ZBTB10: variants seen among roughly 807,000 people sequenced by gnomAD.
ZBTB10 encodes the protein zinc finger and BTB domain containing 10, also known as zinc finger and BTB domain-containing protein 10.
ZBTB10 carries 32 observed loss-of-function variants against 76.4 expected under a neutral mutation model. The observed-to-expected ratio is 0.42, with a 90% CI of 0.32 to 0.56. The LOEUF is 0.56. Among genes scored for constraint, ZBTB10 ranks in the 20% least tolerant of loss-of-function variants. ZBTB10 has a pLI of 0.14. For synonymous variants in ZBTB10, 523 were observed against 432.9 expected, an observed-to-expected ratio of 1.21 and a Z score of -2.58; for missense variants, 1,057 against 1,098.5, an observed-to-expected ratio of 0.96 and a Z score of 0.53.
At chr8:80,514,098 G>A (rs1430696687) in intron 3 of ZBTB10, 90 bp downstream of exon 3, 1 of 1,185,748 alleles carries the variant, frequency 8.4e-7, no homozygotes, top group African/African-American at 1.5e-5. Context: ...TCTTCCATAA[G>A]GGGGTTCTAT....
In ZBTB10 at chr8:80,523,897, T is replaced by A. The variant is rs550655897; in HGVS notation, c.*4369T>A. Reference sequence around the variant, plus strand: ...TGTTTGTAAAAGCTCTTTGGGAAGATCTTTTACGAAGACCAACTTTTTAAA... The same window carrying A: ...TGTTTGTAAAAGCTCTTTGGGAAGAACTTTTACGAAGACCAACTTTTTAAA... On this transcript the variant is annotated 3_prime_UTR_variant, in exon 6 of 6. Transcript: ENST00000455036. 3.2e-4 allele frequency: 48 copies of A among 152,140 alleles called. 1 individual carries two copies. Among genetic ancestry groups the A allele is most frequent in the Admixed American group, 1.7e-3 (26 of 15,270 alleles). 9.4% of individuals were successfully genotyped at this position (152,140 alleles called of 1,614,324 possible). A position where few individuals can be genotyped will look rare whatever the true frequency, so the allele number is the denominator to read the frequency against.
intron 2 of ZBTB10, among the ~76,000 whole-genome samples, chr8:80,507,435 AC>A (rs1194517745): frequency 9.9e-5 from 15 of 151,880 alleles, no homozygotes; most frequent in Admixed American, 7.2e-4. Flanking sequence ...ACACAGTGAA[AC>A]CCCGTCTCTA....
rs1268236091 is a variant in ZBTB10, at chr8:80,487,787, A to G, written c.972+5A>G. The G allele has an allele frequency of 1.0e-5, 16 of 1,570,446 alleles. No individual in the cohort carries two copies. Among genetic ancestry groups the G allele is most frequent in the South Asian group, 2.4e-5 (2 of 83,574 alleles). ...CTCCACGAAGCCAACGCCCAGGTAC[A>G]GTATATCCTGCTCCTACTTTTTTGA... On this transcript the variant is annotated splice_donor_5th_base_variant and intron_variant, in intron 1 of 5. Coordinates refer to ENST00000455036, the MANE Select transcript of ZBTB10 (RefSeq NM_001105539.3).
chr8:80,485,929 G>T, upstream of ZBTB10: 1 of 1,518,742 alleles, frequency 6.6e-7, no homozygotes, highest in Non-Finnish European at 8.8e-7. Context: ...ACACTCGCCA[G>T]CTGTTTGTCC....
intron 3 of ZBTB10, among the ~76,000 whole-genome samples, chr8:80,517,565 A>G (rs1816354512): frequency 6.6e-6 from 1 of 152,176 alleles, no homozygotes; most frequent in South Asian, 2.1e-4. Flanking sequence ...TTGCCCTAAT[A>G]TGTCTGAAAC....
At chr8:80,507,408 C>G (rs1330933970) in intron 2 of ZBTB10, among the ~76,000 whole-genome samples, 1 of 151,902 alleles carries the variant, frequency 6.6e-6, no homozygotes, top group African/African-American at 2.4e-5. Context: ...GTCAGGAGAT[C>G]GAGACCATCC....
chr8:80,489,157 A>G (rs1815560222), intron 1 of ZBTB10, among the ~76,000 whole-genome samples: 1 of 152,196 alleles, frequency 6.6e-6, no homozygotes, highest in South Asian at 2.1e-4. Flanking sequence ...TCGTAATGGA[A>G]AAAGAATGGA....
At chr8:80,510,475 A>G (rs111433663) in intron 2 of ZBTB10, among the ~76,000 whole-genome samples, 148 of 152,348 alleles carry the variant, frequency 9.7e-4, no homozygotes, top group African/African-American at 3.5e-3. Context: ...CATACAATCC[A>G]TTTTTGTTAT....
upstream of ZBTB10, chr8:80,485,881 T>C (rs1303816187): frequency 6.5e-7 from 1 of 1,535,654 alleles, no homozygotes; most frequent in Non-Finnish European, 8.7e-7. Context: ...CGGGCGCGGG[T>C]AGGTGCGTGT....
chr8:80,509,831 G>A (rs1390055930), intron 2 of ZBTB10, among the ~76,000 whole-genome samples: 7 of 151,930 alleles, frequency 4.6e-5, no homozygotes, highest in Non-Finnish European at 8.8e-5. Flanking sequence ...ACCCATGGAG[G>A]GAGTGCAGTG....
chr8:80,511,407 T>C lies in ZBTB10; in HGVS notation c.1862-2503T>C, dbSNP rs547645139. On this transcript the variant is annotated intron_variant, in intron 2 of 5. Coordinates refer to ENST00000455036, the MANE Select transcript of ZBTB10 (RefSeq NM_001105539.3). ...CTTGGCAGAATTGTAAGACATGTCC[T>C]TGAACAGACTGCATTTCAGAATAAT... Among the ~76,000 whole-genome samples, 10 of 152,346 alleles carry C rather than the reference T, an allele frequency of 6.6e-5. No homozygotes were observed. The South Asian group carries it at 2.1e-3, about 32-fold the overall frequency.
At chr8:80,498,327 C>G (rs996068654) in intron 1 of ZBTB10, among the ~76,000 whole-genome samples, 1 of 152,210 alleles carries the variant, frequency 6.6e-6, no homozygotes, top group Non-Finnish European at 1.5e-5. Context: ...TAGATCCATA[C>G]ATATGTGTAT....
chr8:80,510,261 C>T (rs1382791421), intron 2 of ZBTB10, among the ~76,000 whole-genome samples: 5 of 152,174 alleles, frequency 3.3e-5, no homozygotes, highest in Admixed American at 3.3e-4. Flanking sequence ...CTTCTGCACT[C>T]GTGTTCCCAG....
intron 1 of ZBTB10, among the ~76,000 whole-genome samples, chr8:80,493,453 C>G (rs944423988): frequency 6.6e-6 from 1 of 152,082 alleles, no homozygotes; most frequent in Non-Finnish European, 1.5e-5. Flanking sequence ...GTGTTTCAAT[C>G]TAGAGGCACC....
In ZBTB10 at chr8:80,520,137, G is replaced by GT. The variant is rs1026095432; in HGVS notation, c.*612dup. The GT allele has an allele frequency of 1.3e-5, 2 of 152,410 alleles. No individual in the cohort carries two copies. Among genetic ancestry groups the GT allele is most frequent in the African/African-American group, 4.8e-5 (2 of 41,388 alleles). The allele number at this position is 152,410 out of a possible 1,614,324, so 9.4% of individuals were successfully genotyped here. A position where few individuals can be genotyped will look rare whatever the true frequency, so the allele number is the denominator to read the frequency against. ...TTCTCGATTTTGTGCTGATGGGCAT[G>GT]TTTATAAGAACTGGAGAGGTAATTT... On this transcript the variant is annotated 3_prime_UTR_variant, in exon 6 of 6. Coordinates refer to ENST00000455036, the MANE Select transcript of ZBTB10 (RefSeq NM_001105539.3).
In ZBTB10 at chr8:80,486,978, G is replaced by T; in HGVS notation, c.168G>T (p.Gln56His). Residue 56 changes from glutamine to histidine, a missense_variant, in exon 1 of 6, where the codon CAG becomes CAT. By Grantham distance (24) the Gln-to-His change is conservative (BLOSUM62 0). This residue lies in a region of ZBTB10 where 556 missense variants were observed against 451.7 expected (regional missense o/e 1.23). Coordinates refer to ENST00000455036, the MANE Select transcript of ZBTB10 (RefSeq NM_001105539.3). ...CGCCGCCAGCGCCGCCCGCGCTTCA[G>T]CCGCCTAATGGGCGGGGGGCCGACG... ...QPPPPAPPAL[Q>H]PPNGRGADEE... 2.6e-6 allele frequency: 4 copies of T among 1,513,194 alleles called. No homozygotes were observed. Among genetic ancestry groups the T allele is most frequent in the Non-Finnish European group, 3.5e-6 (4 of 1,135,656 alleles). The allele number at this position is 1,513,194 out of a possible 1,614,324, so 93.7% of individuals were successfully genotyped here.
chr8:80,500,140 A>C lies in ZBTB10; in HGVS notation c.1619A>C (p.Gln540Pro). The change falls in exon 2 of 6, where the codon CAG (glutamine) becomes CCG (proline). Residue 540 changes from glutamine to proline, a missense_variant. Physicochemically the swap from Gln to Pro is moderately conservative, Grantham distance 76 (BLOSUM62 -1). This residue lies in a region of ZBTB10 where 306 missense variants were observed against 297.5 expected (regional missense o/e 1.03). Coordinates refer to ENST00000455036, the MANE Select transcript of ZBTB10 (RefSeq NM_001105539.3). ...NYQMNDSSWVQDGSPEMAENE... is the reference protein window; with the variant it reads ...NYQMNDSSWVPDGSPEMAENE... ...CAAATGAATGACAGTAGTTGGGTCC[A>C]GGATGGATCTCCTGAAATGGCTGAA... is the stretch of plus-strand genomic sequence containing the variant. The C allele has an allele frequency of 6.2e-7, 1 of 1,613,852 alleles. No individual in the cohort carries two copies. The highest frequency in any genetic ancestry group is 8.5e-7 in the Non-Finnish European group (1 of 1,179,794).
In ZBTB10 at chr8:80,519,534, C is replaced by T. The variant is rs781245027; in HGVS notation, c.*6C>T. ...GTATGTCTCTAGATGATTAACTGACCTACTATACTCCTCAAGGATGCTGCA... is the reference window on the plus strand; with the variant it reads ...GTATGTCTCTAGATGATTAACTGACTTACTATACTCCTCAAGGATGCTGCA... On this transcript the variant is annotated 3_prime_UTR_variant, in exon 6 of 6. Transcript: ENST00000455036. 7.5e-6 allele frequency: 12 copies of T among 1,601,492 alleles called. No homozygotes were observed. The highest frequency in any genetic ancestry group is 1.0e-5 in the Non-Finnish European group (12 of 1,173,422).
In ZBTB10 at chr8:80,526,119, A is replaced by T. The variant is rs982347789; in HGVS notation, c.*6591A>T. ...TAGAATTATTAGCCATTTGCTGCAA[A>T]GTATTTGTTTTAAAATGTCTGGCAT... On this transcript the variant is annotated 3_prime_UTR_variant, in exon 6 of 6. Coordinates refer to ENST00000455036, the MANE Select transcript of ZBTB10 (RefSeq NM_001105539.3). 6.6e-6 allele frequency: 1 copy of T among 152,100 alleles called. No homozygotes were observed. The highest frequency in any genetic ancestry group is 1.5e-5 in the Non-Finnish European group (1 of 68,014). 9.4% of individuals were successfully genotyped at this position (152,100 alleles called of 1,614,324 possible).
Sources: allele counts gnomAD v4.1 joint callset (sites outside exome capture counted in the v4.1 genomes callset), GRCh38; gene constraint gnomAD v4.1.1; regional missense constraint gnomAD v4.1.1; transcripts MANE v1.5; gene names NCBI Gene and HGNC (gene_info 2026-07-23, HGNC 2026-07-21).